LRRC49: variants seen among roughly 807,000 people sequenced by gnomAD.
LRRC49 encodes leucine-rich repeat-containing protein 49.
Under a neutral mutation model 83.3 loss-of-function variants are expected in LRRC49, and 50 were observed. The ratio of observed to expected loss-of-function variants is 0.60; its 90% CI spans 0.48 to 0.76. LRRC49 has a LOEUF of 0.76. LRRC49 is among the 30% of genes least tolerant of loss of function. The probability of loss-of-function intolerance (pLI) is 0.00; values close to 1 mark genes in which losing one functional copy is unlikely to be tolerated. For missense variants in LRRC49, 704 were observed against 809.1 expected (o/e 0.87, Z 1.58); for synonymous variants, 286 against 283.3 (o/e 1.01, Z -0.10).
At chr15:70,855,500 A>G (rs2032634426) in intron 1 of LRRC49, among the ~76,000 whole-genome samples, 1 of 152,224 alleles carries the variant, frequency 6.6e-6, no homozygotes, top group Non-Finnish European at 1.5e-5. Context: ...CCCTGGACCA[A>G]TACATTTGTT....
chr15:70,876,162 T>C (rs973166205), intron 2 of LRRC49, among the ~76,000 whole-genome samples: 3 of 152,222 alleles, frequency 2.0e-5, no homozygotes, highest in Admixed American at 2.0e-4. Context: ...GTTTCAACGA[T>C]CACTTTCATG....
At chr15:70,872,805 A>T (rs1399355635) in intron 1 of LRRC49, 2 of 202,834 alleles carry the variant, frequency 9.9e-6, no homozygotes, top group African/African-American at 4.6e-5. Flanking sequence ...AGAGAGAAAG[A>T]GGACGTTTTC....
At chr15:70,997,162 G>A (rs2141247295) in intron 11 of LRRC49, among the ~76,000 whole-genome samples, 1 of 152,256 alleles carries the variant, frequency 6.6e-6, no homozygotes, top group Middle Eastern at 3.4e-3. Flanking sequence ...AACTATTATT[G>A]TAGAACTGTT....
intron 15 of LRRC49, among the ~76,000 whole-genome samples, chr15:71,039,741 AT>A (rs2039640133): frequency 1.3e-5 from 2 of 152,248 alleles, no homozygotes; most frequent in Admixed American, 1.3e-4. Flanking sequence ...GGCCAACTGT[AT>A]TTAGTAAATC....
chr15:70,976,600 G>A (rs2037215048), intron 9 of LRRC49, among the ~76,000 whole-genome samples: 1 of 152,082 alleles, frequency 6.6e-6, no homozygotes, highest in Non-Finnish European at 1.5e-5. Context: ...ATCACTGCAT[G>A]GCTTAATTGA....
At chr15:70,908,746 C>T (rs1267513483) in intron 5 of LRRC49, 1 of 152,316 alleles carries the variant, frequency 6.6e-6, no homozygotes, top group African/African-American at 2.4e-5. Flanking sequence ...AGGCCCCTAA[C>T]ATAATTCTAA....
intron 11 of LRRC49, among the ~76,000 whole-genome samples, chr15:71,002,904 G>A (rs2038312285): frequency 7.6e-6 from 1 of 130,762 alleles, no homozygotes; most frequent in Non-Finnish European, 1.6e-5. Context: ...TTTTCTTAGG[G>A]TCCTTTATTG....
At chr15:70,907,671 C>G (rs543759938) in intron 5 of LRRC49, among the ~76,000 whole-genome samples, 29 of 152,254 alleles carry the variant, frequency 1.9e-4, no homozygotes, top group Non-Finnish European at 3.4e-4. Flanking sequence ...AAAAGCTAAG[C>G]CTTCATATAG....
chr15:70,965,829 A>G (rs936799704), intron 9 of LRRC49, among the ~76,000 whole-genome samples: 2 of 151,978 alleles, frequency 1.3e-5, no homozygotes, highest in Non-Finnish European at 2.9e-5. Flanking sequence ...ATTCATATCT[A>G]TATGGACTTA....
At chr15:70,871,418 C>T (rs907230334) in intron 1 of LRRC49, among the ~76,000 whole-genome samples, 1 of 152,186 alleles carries the variant, frequency 6.6e-6, no homozygotes, top group Non-Finnish European at 1.5e-5. Flanking sequence ...CCTCTCTACT[C>T]GACAAAACCC....
intron 14 of LRRC49, among the ~76,000 whole-genome samples, chr15:71,029,111 G>A (rs2039266926): frequency 6.6e-6 from 1 of 152,090 alleles, no homozygotes; most frequent in African/African-American, 2.4e-5. Context: ...TCTTAACACT[G>A]CTTTAGCTGT....
chr15:70,972,735 G>A (rs572440819), intron 9 of LRRC49, among the ~76,000 whole-genome samples: 1 of 151,770 alleles, frequency 6.6e-6, no homozygotes, highest in African/African-American at 2.4e-5. Context: ...TCATTAAGTT[G>A]ATCTTCAGTC....
chr15:70,980,284 G>GT (rs1377283826), intron 10 of LRRC49, 100 bp downstream of exon 10: 4 of 786,152 alleles, frequency 5.1e-6, no homozygotes, highest in Non-Finnish European at 7.8e-6. Context: ...TCTAAACTTT[G>GT]TAAGTTTTTT....
chr15:70,919,024 C>G, intron 6 of LRRC49, 26 bp from the exon 7 acceptor site: 2 of 1,584,004 alleles, frequency 1.3e-6, no homozygotes, highest in Non-Finnish European at 1.7e-6. Context: ...GCCTGCTAAT[C>G]ACCCTTCTCC....
rs758322065 is a variant in LRRC49 at position 70,980,064 on chromosome 15, A to C, written c.922-37A>C. ...TGATATTTAGCATTAAAAAATGGTTAAACTCTTCATAATACTTTTCGGAAA... is the reference window on the plus strand; with the variant it reads ...TGATATTTAGCATTAAAAAATGGTTCAACTCTTCATAATACTTTTCGGAAA... On this transcript the variant is annotated intron_variant, in intron 9 of 15. Coordinates refer to ENST00000260382, the MANE Select transcript of LRRC49 (RefSeq NM_017691.5). 4 of 1,382,242 alleles carry C rather than the reference A, an allele frequency of 2.9e-6. No homozygotes were observed. In the Admixed American group the frequency reaches 7.6e-5, roughly 26 times the overall value. The allele number at this position is 1,382,242 out of a possible 1,614,324, so 85.6% of individuals were successfully genotyped here.
chr15:71,034,377 G>T (rs1478607954), intron 14 of LRRC49, among the ~76,000 whole-genome samples: 2 of 152,122 alleles, frequency 1.3e-5, no homozygotes, highest in Non-Finnish European at 2.9e-5. Context: ...AAAAAATCTA[G>T]AAACAACAGA....
At chr15:70,873,257 A>G (rs746698000) in intron 2 of LRRC49, 55 of 1,531,732 alleles carry the variant, frequency 3.6e-5, no homozygotes, top group South Asian at 1.2e-4. Flanking sequence ...ATAATTTTGT[A>G]TAACAATTAT....
intron 8 of LRRC49, among the ~76,000 whole-genome samples, chr15:70,952,510 A>G (rs2036256192): frequency 6.6e-6 from 1 of 151,972 alleles, no homozygotes; most frequent in African/African-American, 2.4e-5. Context: ...GGTTGATTTT[A>G]TTTTGATTTT....
At chr15:71,018,353 T>G (rs2038892037) in intron 14 of LRRC49, among the ~76,000 whole-genome samples, 1 of 152,200 alleles carries the variant, frequency 6.6e-6, no homozygotes, top group Admixed American at 6.5e-5. Context: ...AGTTTTAATC[T>G]GTATAAGATT....
Sources: gnomAD v4.1 joint callset for allele counts (sites outside exome capture counted in the v4.1 genomes callset) on GRCh38, gnomAD v4.1.1 for gene constraint, MANE v1.5 for transcripts, NCBI Gene and HGNC (gene_info 2026-07-23, HGNC 2026-07-21) for gene names.